SSBP3: variants seen among roughly 807,000 people sequenced by gnomAD.
The protein encoded by SSBP3 is single stranded DNA binding protein 3, also known as single-stranded DNA-binding protein 3.
A neutral mutation model predicts 69.6 loss-of-function variants in SSBP3; 5 were observed. That is an observed-to-expected ratio of 0.07 (90% CI 0.04 to 0.15). The LOEUF (loss-of-function observed/expected upper bound fraction) is 0.15, where lower values mean the gene tolerates loss of function less well. SSBP3 is among the 10% of genes least tolerant of loss of function. The pLI, the probability that SSBP3 is intolerant of heterozygous loss-of-function variation, is 1.00. For missense variants in SSBP3, 312 were observed against 534.0 expected (o/e 0.58, Z 4.10); for synonymous variants, 196 against 193.4 (o/e 1.01, Z -0.11).
intron 4 of SSBP3, among the ~76,000 whole-genome samples, chr1:54,331,999 C>T (rs1646425553): frequency 6.6e-6 from 1 of 152,238 alleles, no homozygotes; most frequent in South Asian, 2.1e-4. Flanking sequence ...CTGTGCAGGG[C>T]TGCAAGGTCA....
exon 1 of SSBP3, chr1:54,405,973 C>A (rs540252738): frequency 7.5e-6 from 11 of 1,473,146 alleles, no homozygotes; most frequent in Non-Finnish European, 1.0e-5. Flanking sequence ...CCTGCCCATC[C>A]GAGGGCACCG....
intron 4 of SSBP3, among the ~76,000 whole-genome samples, chr1:54,319,625 T>C (rs1465801755): frequency 6.6e-6 from 1 of 152,000 alleles, no homozygotes; most frequent in Admixed American, 6.5e-5. Context: ...GTGCTCCTGC[T>C]TGTACCACAC....
intron 14 of SSBP3, among the ~76,000 whole-genome samples, chr1:54,235,979 T>G (rs1644485192): frequency 2.0e-5 from 3 of 152,226 alleles, no homozygotes; most frequent in Admixed American, 2.0e-4. Context: ...ATTCCTGCTG[T>G]ATGAGGTTTT....
chr1:54,384,708 T>C (rs565614939), intron 4 of SSBP3, among the ~76,000 whole-genome samples: 75 of 152,308 alleles, frequency 4.9e-4, no homozygotes, highest in Non-Finnish European at 1.2e-4. Context: ...ATCTCAGGCT[T>C]CACATTCCAC....
intron 4 of SSBP3, among the ~76,000 whole-genome samples, chr1:54,369,707 AG>A (rs1303318813): frequency 6.6e-6 from 1 of 151,658 alleles, no homozygotes; most frequent in African/African-American, 2.4e-5. Flanking sequence ...GAAGACGCTC[AG>A]AACAGAATCA....
chr1:54,398,268 A>G (rs368854501), intron 4 of SSBP3, among the ~76,000 whole-genome samples: 2 of 152,216 alleles, frequency 1.3e-5, no homozygotes, highest in East Asian at 1.9e-4. Context: ...AATCACACAC[A>G]TGAAAACATG....
intron 4 of SSBP3, among the ~76,000 whole-genome samples, chr1:54,287,738 T>C (rs545823525): frequency 4.8e-4 from 73 of 152,028 alleles, no homozygotes; most frequent in African/African-American, 1.7e-3. Flanking sequence ...ACCGGGGGAA[T>C]GTCATCACCC....
chr1:54,368,318 A>G (rs77250818), intron 4 of SSBP3, among the ~76,000 whole-genome samples: 3,550 of 151,364 alleles, frequency 0.023, 83 homozygotes, highest in Non-Finnish European at 0.038. Flanking sequence ...AGAAAACCTT[A>G]ATGACATGGA....
chr1:54,372,524 C>G (rs1452608652), intron 4 of SSBP3, among the ~76,000 whole-genome samples: 1 of 152,188 alleles, frequency 6.6e-6, no homozygotes, highest in African/African-American at 2.4e-5. Context: ...CACTGACCAC[C>G]ACCTACCTTG....
chr1:54,328,001 T>C (rs1169693654), intron 4 of SSBP3, among the ~76,000 whole-genome samples: 1 of 152,148 alleles, frequency 6.6e-6, no homozygotes, highest in African/African-American at 2.4e-5. Flanking sequence ...TCTCCCATAA[T>C]AAAGCTCATG....
chr1:54,331,379 T>C (rs1394993030), intron 4 of SSBP3, among the ~76,000 whole-genome samples: 1 of 152,154 alleles, frequency 6.6e-6, no homozygotes, highest in Non-Finnish European at 1.5e-5. Context: ...TCGGGTTACA[T>C]GAAACAGGAT....
chr1:54,400,890 G>A (rs576861688), intron 4 of SSBP3, among the ~76,000 whole-genome samples: 4 of 152,264 alleles, frequency 2.6e-5, no homozygotes, highest in East Asian at 1.9e-4. Flanking sequence ...ACCCAATGAC[G>A]TTCAAGAAAC....
At chr1:54,320,710 G>A (rs1323699659) in intron 4 of SSBP3, among the ~76,000 whole-genome samples, 1 of 152,162 alleles carries the variant, frequency 6.6e-6, no homozygotes, top group Non-Finnish European at 1.5e-5. Flanking sequence ...GCTAGGAACT[G>A]GGGGCAGACA....
At chr1:54,302,318 ATTTT>A (rs10686460) in intron 4 of SSBP3, among the ~76,000 whole-genome samples, 1 of 144,714 alleles carries the variant, frequency 6.9e-6, no homozygotes, top group African/African-American at 2.6e-5. Context: ...TCTGAGCATA[ATTTT>A]TTTTTTTTTT....
chr1:54,270,904 G>A (rs987147988), intron 5 of SSBP3, among the ~76,000 whole-genome samples: 2 of 152,160 alleles, frequency 1.3e-5, no homozygotes, highest in Non-Finnish European at 2.9e-5. Flanking sequence ...CAGGCTGTGT[G>A]ACACCAGAGG....
intron 7 of SSBP3, among the ~76,000 whole-genome samples, chr1:54,254,161 G>C (rs918902708): frequency 2.6e-5 from 4 of 152,234 alleles, no homozygotes; most frequent in African/African-American, 9.6e-5. Flanking sequence ...ACACCCCTGG[G>C]GCCTACAGGG....
At chr1:54,407,533 C>T (rs1277904051), upstream of SSBP3, among the ~76,000 whole-genome samples, 1 of 152,076 alleles carries the variant, frequency 6.6e-6, no homozygotes, top group Non-Finnish European at 1.5e-5. Context: ...CACTGCGTGC[C>T]CCTCATTAGG....
At chr1:54,366,817 T>C (rs182349526) in intron 4 of SSBP3, among the ~76,000 whole-genome samples, 17 of 152,346 alleles carry the variant, frequency 1.1e-4, no homozygotes, top group East Asian at 5.8e-4. Context: ...ACCATTCTGA[T>C]TGAATTCTAA....
chr1:54,297,286 G>A (rs996543831), intron 4 of SSBP3, among the ~76,000 whole-genome samples: 3 of 152,184 alleles, frequency 2.0e-5, no homozygotes, highest in African/African-American at 7.2e-5. Context: ...TTCCCTGCCT[G>A]GCCTACCTCA....
Sources: gnomAD v4.1 joint callset for allele counts (sites outside exome capture counted in the v4.1 genomes callset) on GRCh38, gnomAD v4.1.1 for gene constraint, MANE v1.5 for transcripts, NCBI Gene and HGNC (gene_info 2026-07-23, HGNC 2026-07-21) for gene names.